The following LYPD6B variants were observed in gnomAD, a reference collection of about 807,000 sequenced individuals.
LYPD6B encodes the protein LY6/PLAUR domain containing 6B, also known as ly6/PLAUR domain-containing protein 6B.
In LYPD6B, 17 loss-of-function variants were observed where a neutral mutation model predicts 22.8. The observed-to-expected ratio is 0.75, with a 90% CI of 0.51 to 1.12. The LOEUF (loss-of-function observed/expected upper bound fraction) is 1.12. Among genes scored for constraint, LYPD6B ranks in the 50% most tolerant of loss-of-function variants. The pLI is 0.00. For synonymous variants in LYPD6B, 106 were observed against 91.6 expected, an observed-to-expected ratio of 1.16 and a Z score of -0.90; for missense variants, 221 against 258.3, an observed-to-expected ratio of 0.86 and a Z score of 0.99.
intron 2 of LYPD6B, among the ~76,000 whole-genome samples, chr2:149,141,392 C>T (rs1225139660): frequency 6.6e-6 from 1 of 152,074 alleles, no homozygotes; most frequent in Non-Finnish European, 1.5e-5. Context: ...TTTTCATCTT[C>T]TGTATTTTTT....
At chr2:149,141,430 A>T (rs549854235) in intron 2 of LYPD6B, among the ~76,000 whole-genome samples, 1 of 152,220 alleles carries the variant, frequency 6.6e-6, no homozygotes, top group South Asian at 2.1e-4. Flanking sequence ...TTGTTCTGTT[A>T]TTCTGGAAAT....
chr2:149,174,362 G>T (rs1691095768), intron 3 of LYPD6B, among the ~76,000 whole-genome samples: 1 of 152,128 alleles, frequency 6.6e-6, no homozygotes. Context: ...CTTCCTATTT[G>T]AATACCATTT....
chr2:149,132,342 A>G (rs1024181084), intron 2 of LYPD6B, among the ~76,000 whole-genome samples: 1 of 151,064 alleles, frequency 6.6e-6, no homozygotes, highest in African/African-American at 2.4e-5. Context: ...CCTTTCATGT[A>G]CCATGATTTG....
At chr2:149,152,200 C>T (rs1689424315) in intron 2 of LYPD6B, among the ~76,000 whole-genome samples, 1 of 152,080 alleles carries the variant, frequency 6.6e-6, no homozygotes, top group Non-Finnish European at 1.5e-5. Flanking sequence ...CTCATTATCC[C>T]CTATCACCAA....
intron 3 of LYPD6B, among the ~76,000 whole-genome samples, chr2:149,184,891 G>A (rs950970704): frequency 6.6e-6 from 1 of 152,202 alleles, no homozygotes; most frequent in Non-Finnish European, 1.5e-5. Context: ...CGATAGGCAT[G>A]TTCCCTGTAC....
intron 1 of LYPD6B, among the ~76,000 whole-genome samples, chr2:149,069,098 C>CA (rs1684476089): frequency 7.2e-6 from 1 of 139,290 alleles, no homozygotes; most frequent in African/African-American, 2.6e-5. Flanking sequence ...TTTTTTTTTT[C>CA]AGTTTTGGTA....
chr2:149,099,760 T>C (rs1433071911), intron 1 of LYPD6B, among the ~76,000 whole-genome samples: 1 of 152,224 alleles, frequency 6.6e-6, no homozygotes, highest in Non-Finnish European at 1.5e-5. Context: ...TTTAAAACCC[T>C]GTTTGTCCCA....
chr2:149,177,853 T>G (rs1027935370), intron 3 of LYPD6B, among the ~76,000 whole-genome samples: 2 of 144,410 alleles, frequency 1.4e-5, no homozygotes, highest in African/African-American at 2.5e-5. Context: ...TTTTTTTTTT[T>G]GTACTATTGA....
chr2:149,076,810 G>T (rs542789651), intron 1 of LYPD6B, among the ~76,000 whole-genome samples: 2 of 152,314 alleles, frequency 1.3e-5, no homozygotes, highest in Admixed American at 1.3e-4. Context: ...GTTGAAAGTG[G>T]ATGGAAAACT....
At position 149,082,984 on chromosome 2, in the gene LYPD6B, G is replaced by A. The variant is rs138843755; in HGVS notation, c.-67+44183G>A. ...CTGCACCTGGGTGTGCCTCTGGACAGGAAACCTGATGCCAGCATGGAGAGC... is the reference window on the plus strand; with the variant it reads ...CTGCACCTGGGTGTGCCTCTGGACAAGAAACCTGATGCCAGCATGGAGAGC... On this transcript the variant is annotated intron_variant, in intron 1 of 6. Coordinates refer to ENST00000409642, the MANE Select transcript of LYPD6B (RefSeq NM_177964.5). 2.4e-3 allele frequency among the ~76,000 whole-genome samples: 361 copies of A among 152,292 alleles called. 2 individuals carry two copies. The highest frequency in any genetic ancestry group is 0.01 in the Middle Eastern group (3 of 294).
At chr2:149,153,970 C>A in intron 2 of LYPD6B, 1 of 399,218 alleles carries the variant, frequency 2.5e-6, no homozygotes, top group Non-Finnish European at 3.4e-6. Context: ...AAGGTGAGAG[C>A]CCTTGAAGAT....
intron 5 of LYPD6B, among the ~76,000 whole-genome samples, chr2:149,210,185 C>T (rs1351059258): frequency 2.0e-5 from 3 of 152,126 alleles, no homozygotes; most frequent in Non-Finnish European, 4.4e-5. Flanking sequence ...CATTAGTTGA[C>T]CAAAGCCATC....
At chr2:149,064,484 A>G (rs951295306) in intron 1 of LYPD6B, among the ~76,000 whole-genome samples, 2 of 152,254 alleles carry the variant, frequency 1.3e-5, no homozygotes, top group African/African-American at 4.8e-5. Context: ...TAAAAGAGAC[A>G]TGTTAATTAC....
chr2:149,205,780 C>T (rs1360050292), intron 4 of LYPD6B, among the ~76,000 whole-genome samples: 1 of 152,096 alleles, frequency 6.6e-6, no homozygotes, highest in Non-Finnish European at 1.5e-5. Flanking sequence ...TGGCCATTAA[C>T]AATTTTGAAA....
At chr2:149,198,128 C>A (rs548493987) in intron 3 of LYPD6B, among the ~76,000 whole-genome samples, 1 of 151,898 alleles carries the variant, frequency 6.6e-6, no homozygotes, top group Non-Finnish European at 1.5e-5. Context: ...CTGCAATCCC[C>A]GCCTCCTAGG....
At chr2:149,044,433 TG>T (rs1478748715) in intron 1 of LYPD6B, among the ~76,000 whole-genome samples, 1 of 152,096 alleles carries the variant, frequency 6.6e-6, no homozygotes, top group African/African-American at 2.4e-5. Flanking sequence ...GTGTTGGTAT[TG>T]TATTCTGTGG....
rs377159975 is a variant in LYPD6B, at chr2:149,214,516, T to C, written c.460-30T>C. On this transcript the variant is annotated intron_variant, in intron 6 of 6. Coordinates refer to ENST00000409642, the MANE Select transcript of LYPD6B (RefSeq NM_177964.5). Reference sequence around the variant, plus strand: ...GCCCCTTCCCTCTTCTATTATTCACTGTCATTTCCTCTCTCCTTTTTTGTA... The same window carrying C: ...GCCCCTTCCCTCTTCTATTATTCACCGTCATTTCCTCTCTCCTTTTTTGTA... 3.7e-5 allele frequency: 59 copies of C among 1,606,684 alleles called. No individual in the cohort carries two copies. The African/African-American group carries it at 7.8e-4, about 21-fold the overall frequency.
intron 6 of LYPD6B, 41 bp downstream of exon 6, chr2:149,213,163 C>G: frequency 6.2e-7 from 1 of 1,607,804 alleles, no homozygotes; most frequent in Non-Finnish European, 8.5e-7. Context: ...AACTTTCATC[C>G]TAGTAATGTA....
intron 1 of LYPD6B, among the ~76,000 whole-genome samples, chr2:149,120,137 T>C (rs189857472): frequency 6.6e-6 from 1 of 151,998 alleles, no homozygotes; most frequent in African/African-American, 2.4e-5. Flanking sequence ...GCTATAGCCA[T>C]GTGGTCTGTG....
Sources: gnomAD v4.1 joint callset for allele counts (sites outside exome capture counted in the v4.1 genomes callset) on GRCh38, gnomAD v4.1.1 for gene constraint, MANE v1.5 for transcripts, NCBI Gene and HGNC (gene_info 2026-07-23, HGNC 2026-07-21) for gene names.